BMP2K: variants seen among roughly 807,000 people sequenced by gnomAD.
The protein encoded by BMP2K is BMP-2-inducible protein kinase.
BMP2K carries 74 observed loss-of-function variants against 116.0 expected under a neutral mutation model. The ratio of observed to expected loss-of-function variants is 0.64; its 90% CI spans 0.53 to 0.77. BMP2K has a LOEUF of 0.77. Ranked by LOEUF, BMP2K falls within the 30% of genes least tolerant of loss-of-function variation. The pLI, the probability that BMP2K is intolerant of heterozygous loss-of-function variation, is 0.00. For missense variants in BMP2K, 1,365 were observed against 1,403.6 expected, an observed-to-expected ratio of 0.97 and a Z score of 0.44; for synonymous variants, 486 against 502.5, an observed-to-expected ratio of 0.97 and a Z score of 0.44.
Position 78,912,081 on chromosome 4 carries a change from G to T in BMP2K, c.*48G>T. The T allele has an allele frequency of 6.7e-7, 1 of 1,500,972 alleles. No homozygotes were observed. Among genetic ancestry groups the T allele is most frequent in the South Asian group, 1.3e-5 (1 of 76,934 alleles). 93.0% of individuals were successfully genotyped at this position (1,500,972 alleles called of 1,614,324 possible). A position where few individuals can be genotyped will look rare whatever the true frequency, so the allele number is the denominator to read the frequency against. The stretch of plus-strand genomic sequence containing the variant: ...ATTAACTCCTGTTTCAAAAAAGTGT[G>T]AACAGTTTTATGAATTTGAAAGAAA... On this transcript the variant is annotated 3_prime_UTR_variant, in exon 16 of 16. Coordinates refer to ENST00000502613, the MANE Select transcript of BMP2K (RefSeq NM_198892.2).
At chr4:78,856,861 A>G (rs1328543971) in intron 7 of BMP2K, among the ~76,000 whole-genome samples, 1 of 152,156 alleles carries the variant, frequency 6.6e-6, no homozygotes, top group Non-Finnish European at 1.5e-5. Context: ...AGCAGAGAAC[A>G]TGTATGTTCT....
intron 1 of BMP2K, among the ~76,000 whole-genome samples, chr4:78,802,944 G>A (rs1283219510): frequency 1.3e-5 from 2 of 151,908 alleles, no homozygotes; most frequent in Admixed American, 6.6e-5. Flanking sequence ...CCGCCTCCCA[G>A]GTTTATGCAG....
intron 1 of BMP2K, among the ~76,000 whole-genome samples, chr4:78,801,089 GTC>G (rs1306310407): frequency 3.9e-5 from 6 of 152,072 alleles, no homozygotes; most frequent in African/African-American, 7.2e-5. Flanking sequence ...TTCCCCTGCA[GTC>G]TCTCTGTGTA....
chr4:78,794,848 C>T lies in BMP2K; in HGVS notation c.178+18127C>T, dbSNP rs1320575727. On this transcript the variant is annotated intron_variant, in intron 1 of 15. Transcript: ENST00000502613. ...AAAGTGCTGAGATTACAGGTGTGAG[C>T]CACCATGCCAGCCGTCATAAAGTTA... Among the ~76,000 whole-genome samples the T allele has an allele frequency of 2.6e-5, 4 of 152,294 alleles. No individual in the cohort carries two copies. The East Asian group carries it at 5.8e-4, about 22-fold the overall frequency.
chr4:78,838,170 T>C (rs1730585127), intron 3 of BMP2K, among the ~76,000 whole-genome samples: 1 of 152,154 alleles, frequency 6.6e-6, no homozygotes, highest in African/African-American at 2.4e-5. Context: ...GTAATGTCCC[T>C]TTTACATCCC....
At chr4:78,811,993 GAC>G in intron 1 of BMP2K, among the ~76,000 whole-genome samples, 1 of 151,750 alleles carries the variant, frequency 6.6e-6, no homozygotes, top group African/African-American at 2.4e-5. Context: ...TTTTTTTAAA[GAC>G]AGAGTCTCGC....
In BMP2K at chr4:78,833,696, T is replaced by G. The variant is rs1332649632; in HGVS notation, c.403+9T>G. The G allele has an allele frequency of 6.3e-7, 1 of 1,581,600 alleles. No individual in the cohort carries two copies. The highest frequency in any genetic ancestry group is 2.3e-5 in the East Asian group (1 of 44,118). On this transcript the variant is annotated intron_variant, in intron 3 of 15. Coordinates refer to ENST00000502613, the MANE Select transcript of BMP2K (RefSeq NM_198892.2). ...AATGGAATATTGTCGAGGTAAGTAT[T>G]TTTTTGCATTTGTACTGTAATAAAA...
At chr4:78,900,009 G>A (rs1022552599) in intron 15 of BMP2K, among the ~76,000 whole-genome samples, 1 of 152,144 alleles carries the variant, frequency 6.6e-6, no homozygotes, top group African/African-American at 2.4e-5. Flanking sequence ...TGAACAACAC[G>A]GGTTTGAACT....
intron 13 of BMP2K, among the ~76,000 whole-genome samples, chr4:78,873,195 G>T (rs1206123121): frequency 1.3e-5 from 2 of 152,030 alleles, no homozygotes; most frequent in African/African-American, 4.8e-5. Context: ...ACTCATAAAG[G>T]TTGTATAATT....
intron 1 of BMP2K, among the ~76,000 whole-genome samples, chr4:78,812,841 T>C (rs1443061204): frequency 1.3e-5 from 2 of 152,116 alleles, no homozygotes; most frequent in Non-Finnish European, 2.9e-5. Context: ...GAGACCAGCC[T>C]GGGCAACATA....
chr4:78,865,795 T>C, intron 10 of BMP2K, 75 bp downstream of exon 10: 1 of 1,444,532 alleles, frequency 6.9e-7, no homozygotes, highest in Non-Finnish European at 9.6e-7. Context: ...TTTCCTGACC[T>C]CAGGTGATCC....
chr4:78,786,778 G>T (rs533602965), intron 1 of BMP2K, among the ~76,000 whole-genome samples: 80 of 152,000 alleles, frequency 5.3e-4, no homozygotes, highest in Admixed American at 8.5e-4. Flanking sequence ...GCCTTCCTTT[G>T]CTCTGCGTAG....
intron 5 of BMP2K, among the ~76,000 whole-genome samples, chr4:78,846,483 T>C (rs74734451): frequency 2.4e-4 from 36 of 151,822 alleles, no homozygotes; most frequent in South Asian, 2.1e-4. Context: ...TGCTGTGATA[T>C]AGGATGTCCA....
chr4:78,781,190 T>TTCAAAC, intron 1 of BMP2K, among the ~76,000 whole-genome samples: 1 of 152,296 alleles, frequency 6.6e-6, no homozygotes, highest in African/African-American at 2.4e-5. Flanking sequence ...AACAGGAAGC[T>TTCAAAC]ATTGAAGGGT....
In BMP2K at chr4:78,822,295, A is replaced by G. The variant is rs1298071961; in HGVS notation, c.179-3742A>G. On this transcript the variant is annotated intron_variant, in intron 1 of 15. Transcript: ENST00000502613. ...TGTGGAGACCAGAGGTAAGATTTCC[A>G]TTAGGTGTCCTATGAAATTATTTCA... Among the ~76,000 whole-genome samples the G allele has an allele frequency of 2.0e-5, 3 of 152,172 alleles. No individual in the cohort carries two copies. In the East Asian group the frequency reaches 5.8e-4, roughly 29 times the overall value.
chr4:78,794,982 T>TTGGTGATGCTGTGTATGC (rs1193598208), intron 1 of BMP2K, among the ~76,000 whole-genome samples: 1 of 152,216 alleles, frequency 6.6e-6, no homozygotes, highest in Admixed American at 6.5e-5. Context: ...TTTGAATAGG[T>TTGGTGATGCTGTGTATGC]TGGTGATGCT....
chr4:78,901,154 C>G (rs1322467460), intron 15 of BMP2K, among the ~76,000 whole-genome samples: 1 of 152,084 alleles, frequency 6.6e-6, no homozygotes, highest in Non-Finnish European at 1.5e-5. Context: ...AGCAATCCTA[C>G]TCTCTCAGCC....
At chr4:78,818,164 G>T (rs542767090) in intron 1 of BMP2K, among the ~76,000 whole-genome samples, 9 of 152,270 alleles carry the variant, frequency 5.9e-5, no homozygotes, top group African/African-American at 2.2e-4. Flanking sequence ...GGATACACGT[G>T]TATAACGTGC....
chr4:78,875,353 C>A (rs558630826), intron 13 of BMP2K, among the ~76,000 whole-genome samples: 27 of 152,120 alleles, frequency 1.8e-4, no homozygotes, highest in African/African-American at 6.5e-4. Context: ...GAGTCACTAT[C>A]TTTGTTGGAA....
Sources: allele counts gnomAD v4.1 joint callset (sites outside exome capture counted in the v4.1 genomes callset), GRCh38; gene constraint gnomAD v4.1.1; transcripts MANE v1.5; gene names NCBI Gene and HGNC (gene_info 2026-07-23, HGNC 2026-07-21).